CABLES1: variants seen among roughly 807,000 people sequenced by gnomAD.
CABLES1 encodes the protein CDK5 and ABL1 enzyme substrate 1.
In CABLES1, 36 loss-of-function variants were observed where a neutral mutation model predicts 57.8. The observed-to-expected ratio is 0.62, with a 90% CI of 0.48 to 0.82. The LOEUF (loss-of-function observed/expected upper bound fraction) is 0.82. Ranked by LOEUF, CABLES1 falls within the 40% of genes least tolerant of loss-of-function variation. The pLI, the probability that CABLES1 is intolerant of heterozygous loss-of-function variation, is 0.00. For missense variants in CABLES1, 767 were observed against 836.6 expected, an observed-to-expected ratio of 0.92 and a Z score of 1.03; for synonymous variants, 374 against 363.0, an observed-to-expected ratio of 1.03 and a Z score of -0.35.
intron 7 of CABLES1, among the ~76,000 whole-genome samples, chr18:23,250,893 G>C (rs933258799): frequency 2.0e-5 from 3 of 152,228 alleles, no homozygotes; most frequent in African/African-American, 7.2e-5. Context: ...CACCAGAGAA[G>C]CAAAGAGAGG....
At chr18:23,174,665 G>A (rs1246247301) in intron 1 of CABLES1, among the ~76,000 whole-genome samples, 1 of 151,458 alleles carries the variant, frequency 6.6e-6, no homozygotes, top group African/African-American at 2.4e-5. Flanking sequence ...GTAGAGACAG[G>A]ATTTCACCAT....
intron 1 of CABLES1, among the ~76,000 whole-genome samples, chr18:23,176,385 C>T (rs906575814): frequency 2.6e-5 from 4 of 152,182 alleles, no homozygotes; most frequent in Admixed American, 1.3e-4. Flanking sequence ...TCACAGTAGG[C>T]AGAGCCCAGG....
intron 1 of CABLES1, among the ~76,000 whole-genome samples, chr18:23,164,569 G>A (rs970453053): frequency 1.3e-5 from 2 of 151,958 alleles, no homozygotes; most frequent in African/African-American, 2.4e-5. Context: ...ATGATGTGAT[G>A]TCAGGAAAAG....
intron 4 of CABLES1, among the ~76,000 whole-genome samples, chr18:23,217,227 G>A (rs1008335948): frequency 7.2e-5 from 11 of 151,988 alleles, no homozygotes; most frequent in Non-Finnish European, 1.3e-4. Flanking sequence ...GACTACAGTC[G>A]CGCGCCACCA....
At chr18:23,214,152 T>G (rs929673247) in intron 4 of CABLES1, 98 bp downstream of exon 4, 3 of 789,436 alleles carry the variant, frequency 3.8e-6, no homozygotes, top group Non-Finnish European at 6.3e-6. Context: ...AGAAGTTGCC[T>G]TGCTTTGATA....
chr18:23,141,121 A>T (rs2046855333), intron 1 of CABLES1, among the ~76,000 whole-genome samples: 2 of 152,178 alleles, frequency 1.3e-5, no homozygotes, highest in African/African-American at 4.8e-5. Context: ...TTGAGGAGGG[A>T]GGCTTTACCC....
Position 23,209,685 on chromosome 18 carries a change from C to T in CABLES1, c.1011-4292C>T, listed in dbSNP as rs904727935. On this transcript the variant is annotated intron_variant, in intron 3 of 9. Transcript: ENST00000256925. The stretch of plus-strand genomic sequence containing the variant: ...ATATTTCTGTTGTAATGGAACATTT[C>T]ACCTGTAAGAGATGAGACCTTCTCA... Among the ~76,000 whole-genome samples the T allele has an allele frequency of 3.9e-5, 6 of 152,192 alleles. No homozygotes were observed. The South Asian group carries it at 1.2e-3, about 32-fold the overall frequency.
chr18:23,169,465 C>G (rs80156354), intron 1 of CABLES1, among the ~76,000 whole-genome samples: 1,572 of 152,206 alleles, frequency 0.01, 19 homozygotes, highest in Non-Finnish European at 0.018. Context: ...ACCTGAAGAC[C>G]CGCTATTATG....
At chr18:23,245,071 C>T (rs1032135070) in intron 7 of CABLES1, among the ~76,000 whole-genome samples, 1 of 152,188 alleles carries the variant, frequency 6.6e-6, no homozygotes, top group Non-Finnish European at 1.5e-5. Flanking sequence ...GTGTACCTCC[C>T]ATCCCCTCCC....
intron 2 of CABLES1, chr18:23,189,378 GTTCTGTTTCTCCCT>G (rs1449063327): frequency 6.1e-6 from 1 of 163,116 alleles, no homozygotes; most frequent in African/African-American, 2.4e-5. Flanking sequence ...GTCTGAAAGT[GTTCTGTTTCTCCCT>G]TGGGATTAGA....
At chr18:23,234,949 AG>A (rs895197375) in intron 5 of CABLES1, among the ~76,000 whole-genome samples, 1 of 152,356 alleles carries the variant, frequency 6.6e-6, no homozygotes, top group African/African-American at 2.4e-5. Flanking sequence ...CTGAATGTAC[AG>A]TTTTGAGTAC....
chr18:23,135,784 GCCACCA>G lies in CABLES1; in HGVS notation c.24_29del (p.Thr9_Thr10del). The G allele has an allele frequency of 2.1e-6, 2 of 973,292 alleles. No homozygotes were observed. Among genetic ancestry groups the G allele is most frequent in the Non-Finnish European group, 2.4e-6 (2 of 821,456 alleles). The allele number at this position is 973,292 out of a possible 1,614,324, so 60.3% of individuals were successfully genotyped here. Reference sequence around the variant, plus strand: ...CACAATGGCGGCGGCGGCGGCGGCCGCCACCACGGCCGCCTGCAGCAGCGGCAGCGC... The same window carrying G: ...CACAATGGCGGCGGCGGCGGCGGCCGCGGCCGCCTGCAGCAGCGGCAGCGC... On this transcript the variant is annotated inframe_deletion, in exon 1 of 10. Coordinates refer to ENST00000256925, the MANE Select transcript of CABLES1 (RefSeq NM_001100619.3).
chr18:23,257,165 T>C (rs2048188307), intron 9 of CABLES1, 62 bp from the exon 10 acceptor site: 1 of 1,583,118 alleles, frequency 6.3e-7, no homozygotes, highest in Non-Finnish European at 8.6e-7. Context: ...AAGCTGCAAT[T>C]GCAGAAAGAC....
At chr18:23,240,402 C>T (rs994855679) in intron 7 of CABLES1, among the ~76,000 whole-genome samples, 1 of 152,198 alleles carries the variant, frequency 6.6e-6, no homozygotes, top group Non-Finnish European at 1.5e-5. Flanking sequence ...ATGATGATGC[C>T]GACAAACCCT....
chr18:23,137,938 A>G (rs980099547), intron 1 of CABLES1, among the ~76,000 whole-genome samples: 1 of 152,144 alleles, frequency 6.6e-6, no homozygotes, highest in African/African-American at 2.4e-5. Flanking sequence ...CAGAGCATGC[A>G]TCTCCCCCGC....
chr18:23,215,009 C>T (rs960078471), intron 4 of CABLES1, among the ~76,000 whole-genome samples: 2 of 152,216 alleles, frequency 1.3e-5, no homozygotes, highest in East Asian at 3.8e-4. Context: ...ATTGTCAGCT[C>T]CATGGGACAG....
intron 1 of CABLES1, among the ~76,000 whole-genome samples, chr18:23,148,306 TA>T (rs1445808284): frequency 6.6e-6 from 1 of 152,150 alleles, no homozygotes; most frequent in African/African-American, 2.4e-5. Context: ...CCCCCATTTC[TA>T]AGCAGGATAC....
chr18:23,190,129 C>G (rs551924564), intron 2 of CABLES1, among the ~76,000 whole-genome samples: 7 of 152,188 alleles, frequency 4.6e-5, no homozygotes, highest in African/African-American at 1.7e-4. Flanking sequence ...AAGGCCATTT[C>G]CCTGCAGGAG....
At chr18:23,225,931 C>A (rs2047524436) in intron 4 of CABLES1, among the ~76,000 whole-genome samples, 2 of 152,230 alleles carry the variant, frequency 1.3e-5, no homozygotes, top group African/African-American at 4.8e-5. Context: ...GGCTACTGTG[C>A]CACCGCCATA....
Sources: gnomAD v4.1 joint callset for allele counts (sites outside exome capture counted in the v4.1 genomes callset) on GRCh38, gnomAD v4.1.1 for gene constraint, MANE v1.5 for transcripts, NCBI Gene and HGNC (gene_info 2026-07-23, HGNC 2026-07-21) for gene names.